Variants in PCDHGB6 observed in about 807,000 individuals in gnomAD.
The protein encoded by PCDHGB6 is protocadherin gamma subfamily B, 6.
Under a neutral mutation model 59.1 loss-of-function variants are expected in PCDHGB6, and 51 were observed. That is an observed-to-expected ratio of 0.86 (90% CI 0.69 to 1.09). The LOEUF is 1.09. PCDHGB6 is among the 50% of genes least tolerant of loss of function. The pLI is 0.00. For missense variants in PCDHGB6, 1,148 were observed against 1,205.1 expected, an observed-to-expected ratio of 0.95 and a Z score of 0.70; for synonymous variants, 466 against 495.1, an observed-to-expected ratio of 0.94 and a Z score of 0.78.
Position 141,408,812 on chromosome 5 carries a change from G to T in PCDHGB6, c.610G>T (p.Glu204Ter), listed in dbSNP as rs1383299883. 2 of 1,613,454 alleles carry T rather than the reference G, an allele frequency of 1.2e-6. No homozygotes were observed. The highest frequency in any genetic ancestry group is 8.5e-7 in the Non-Finnish European group (1 of 1,179,714). The change falls in exon 1 of 4, where the codon GAA becomes TAA. Residue 204 changes from glutamate to a stop codon, truncating the protein, a stop_gained. Coordinates refer to ENST00000520790, the MANE Select transcript of PCDHGB6 (RefSeq NM_018926.3). LOFTEE classifies it high-confidence loss of function. ...LSLEKLLDRE[E>*]QRSHSLILTA... ...TCTGGAGAAACTCCTAGACCGGGAA[G>T]AACAGAGATCTCATAGCTTGATATT...
chr5:141,460,656 ACTGTAAACACAGT>A (rs2098994793), intron 1 of PCDHGB6, among the ~76,000 whole-genome samples: 1 of 152,086 alleles, frequency 6.6e-6, no homozygotes, highest in Admixed American at 6.6e-5. Flanking sequence ...CACATATGTA[ACTGTAAACACAGT>A]TATATATCTA....
intron 1 of PCDHGB6, chr5:141,418,385 G>T: frequency 6.2e-7 from 1 of 1,613,930 alleles, no homozygotes; most frequent in Non-Finnish European, 8.5e-7. Context: ...AAGTCCTAAC[G>T]AGTATTTCTC....
At chr5:141,441,775 A>G (rs1005757857) in intron 1 of PCDHGB6, 27 of 388,638 alleles carry the variant, frequency 6.9e-5, no homozygotes, top group Admixed American at 5.4e-4. Context: ...GTGTTGGTGG[A>G]CGACCTGAAT....
At chr5:141,505,260 C>T in intron 2 of PCDHGB6, 133 bp from the exon 3 acceptor site, 2 of 1,502,832 alleles carry the variant, frequency 1.3e-6, no homozygotes, top group South Asian at 1.3e-5. Context: ...TGCCTCCTAC[C>T]TTGCTGAGAG....
At chr5:141,504,378 C>T (rs2099837786) in intron 2 of PCDHGB6, among the ~76,000 whole-genome samples, 1 of 152,052 alleles carries the variant, frequency 6.6e-6, no homozygotes, top group Non-Finnish European at 1.5e-5. Flanking sequence ...CAGGTGGAGT[C>T]GCTGCCTCAC....
chr5:141,463,615 A>G (rs1336539466), intron 1 of PCDHGB6, among the ~76,000 whole-genome samples: 1 of 151,408 alleles, frequency 6.6e-6, no homozygotes, highest in Admixed American at 6.6e-5. Context: ...TGCCCGGCTA[A>G]TTTTTTGTAT....
At chr5:141,488,438 C>T (rs2099675393) in intron 1 of PCDHGB6, among the ~76,000 whole-genome samples, 1 of 152,146 alleles carries the variant, frequency 6.6e-6, no homozygotes, top group African/African-American at 2.4e-5. Flanking sequence ...CTCTGACCAC[C>T]CTCCTGGGTG....
intron 1 of PCDHGB6, among the ~76,000 whole-genome samples, chr5:141,452,401 G>C (rs2098740635): frequency 6.6e-6 from 1 of 152,134 alleles, no homozygotes. Flanking sequence ...CTAAGATCTG[G>C]GTGTGAGGTA....
intron 1 of PCDHGB6, chr5:141,484,876 A>T (rs1461505847): frequency 6.3e-6 from 2 of 315,126 alleles, no homozygotes; most frequent in Admixed American, 9.4e-5. Flanking sequence ...CGTGGAGGAT[A>T]GGGTGGGCTT....
At position 141,487,855 on chromosome 5, in the gene PCDHGB6, A is replaced by T; in HGVS notation, c.2419-6952A>T. 1 of 974,210 alleles carries T rather than the reference A, an allele frequency of 1.0e-6. No homozygotes were observed. 60.3% of individuals were successfully genotyped at this position (974,210 alleles called of 1,614,324 possible). A position where few individuals can be genotyped will look rare whatever the true frequency, so the allele number is the denominator to read the frequency against. On this transcript the variant is annotated intron_variant, in intron 1 of 3. Coordinates refer to ENST00000520790, the MANE Select transcript of PCDHGB6 (RefSeq NM_018926.3). This position sits in a 1 kb window ranked among gnomAD's most constrained non-coding sequence, Gnocchi z 5.0. Reference sequence around the variant, plus strand: ...TATATCTGAGTAAGAAATGAAAGTAATTGGTGATCAAGAGCCAGGCTGTTG... The same window carrying T: ...TATATCTGAGTAAGAAATGAAAGTATTTGGTGATCAAGAGCCAGGCTGTTG...
In PCDHGB6 at chr5:141,491,425, C is replaced by CA; in HGVS notation, c.2419-3381dup. The CA allele has an allele frequency of 6.2e-7, 1 of 1,614,076 alleles. No homozygotes were observed. The highest frequency in any genetic ancestry group is 8.5e-7 in the Non-Finnish European group (1 of 1,179,996). On this transcript the variant is annotated intron_variant, in intron 1 of 3. Coordinates refer to ENST00000520790, the MANE Select transcript of PCDHGB6 (RefSeq NM_018926.3). The surrounding 1 kb of genome is among the most constrained non-coding windows in gnomAD (Gnocchi z 6.9). ...CGCAGACGGGGACGGGGGTGGAGGG[C>CA]AGTGCTGCAGGCGCCAGGACTCACC...
At position 141,409,361 on chromosome 5, in the gene PCDHGB6, G is replaced by A. The variant is rs754448763; in HGVS notation, c.1159G>A (p.Glu387Lys). ...GGNGEVRCNI[E>K]TDIPFKIYSS... ...AAATGGAGAAGTCAGGTGTAATATA[G>A]AAACAGACATTCCATTCAAGATTTA... is the stretch of plus-strand genomic sequence containing the variant. Residue 387 changes from glutamate to lysine, a missense_variant, in exon 1 of 4, where the codon GAA (glutamate) becomes AAA (lysine). Around this residue, in one of 5 missense-constraint regions of PCDHGB6, gnomAD observed 549 missense variants for 527.5 expected, o/e 1.04. Coordinates refer to ENST00000520790, the MANE Select transcript of PCDHGB6 (RefSeq NM_018926.3). The A allele has an allele frequency of 6.2e-7, 1 of 1,613,964 alleles. No homozygotes were observed. The highest frequency in any genetic ancestry group is 8.5e-7 in the Non-Finnish European group (1 of 1,179,888).
chr5:141,442,561 G>C (rs2098332268), intron 1 of PCDHGB6: 1 of 152,198 alleles, frequency 6.6e-6, no homozygotes, highest in African/African-American at 2.4e-5. Context: ...ACTAAGTTCA[G>C]TCACAAGCAG....
intron 1 of PCDHGB6, chr5:141,415,846 G>A: frequency 3.2e-6 from 4 of 1,240,536 alleles, no homozygotes; most frequent in Non-Finnish European, 4.2e-6. Flanking sequence ...TAGCTTTGCA[G>A]AACCTTGTAG....
At chr5:141,505,238 G>A (rs1254100882) in intron 2 of PCDHGB6, 155 bp from the exon 3 acceptor site, 2 of 890,422 alleles carry the variant, frequency 2.2e-6, no homozygotes, top group South Asian at 5.2e-5. Context: ...GGCTTCTGAA[G>A]GATTGTAGAA....
At chr5:141,481,077 G>A (rs1251064585) in intron 1 of PCDHGB6, among the ~76,000 whole-genome samples, 5 of 151,906 alleles carry the variant, frequency 3.3e-5, no homozygotes, top group Non-Finnish European at 7.4e-5. Context: ...AAGAAAGAAA[G>A]AAAAAAGAAA....
chr5:141,450,490 T>C (rs1480357834), intron 1 of PCDHGB6, among the ~76,000 whole-genome samples: 1 of 152,164 alleles, frequency 6.6e-6, no homozygotes, highest in Non-Finnish European at 1.5e-5. Context: ...TTTGTTTGTC[T>C]GTTTGTTTGT....
chr5:141,489,101 T>A lies in PCDHGB6; in HGVS notation c.2419-5706T>A. 2 of 398,380 alleles carry A rather than the reference T, an allele frequency of 5.0e-6. No individual in the cohort carries two copies. Among genetic ancestry groups the A allele is most frequent in the Non-Finnish European group, 9.0e-6 (2 of 223,310 alleles). The allele number at this position is 398,380 out of a possible 1,614,324, so 24.7% of individuals were successfully genotyped here. ...CCGCCACTCGGTGACTAAGAACTGC[T>A]GCAAGCAGGCAAACCTCCGAGCAGT... On this transcript the variant is annotated intron_variant, in intron 1 of 3. Coordinates refer to ENST00000520790, the MANE Select transcript of PCDHGB6 (RefSeq NM_018926.3). This position sits in a 1 kb window ranked among gnomAD's most constrained non-coding sequence, Gnocchi z 4.5.
intron 1 of PCDHGB6, chr5:141,441,731 C>G: frequency 2.8e-6 from 1 of 362,226 alleles, no homozygotes; most frequent in South Asian, 2.2e-5. Context: ...GCGACCAGGA[C>G]TAGCTCGCGC....
Sources: allele counts gnomAD v4.1 joint callset (sites outside exome capture counted in the v4.1 genomes callset), GRCh38; gene constraint gnomAD v4.1.1; regional missense constraint gnomAD v4.1.1; non-coding constraint Gnocchi (gnomAD v3.1); transcripts MANE v1.5; gene names NCBI Gene and HGNC (gene_info 2026-07-23, HGNC 2026-07-21).